The following GSDMC variants were observed in gnomAD, a reference collection of about 807,000 sequenced individuals.
The protein encoded by GSDMC is gasdermin C, also known as gasdermin-C.
A neutral mutation model predicts 58.0 loss-of-function variants in GSDMC; 59 were observed. That is an observed-to-expected ratio of 1.02 (90% CI 0.82 to 1.26). The LOEUF (loss-of-function observed/expected upper bound fraction) is 1.26. Among genes scored for constraint, GSDMC ranks in the 50% most tolerant of loss-of-function variants. The pLI, the probability that GSDMC is intolerant of heterozygous loss-of-function variation, is 0.00. For synonymous variants in GSDMC, 241 were observed against 220.2 expected (o/e 1.09, Z -0.83); for missense variants, 659 against 598.5 (o/e 1.10, Z -1.06).
In GSDMC at chr8:129,759,004, A is replaced by G. The variant is rs537786269; in HGVS notation, c.721+1541T>C. On this transcript the variant is annotated intron_variant, in intron 6 of 13. Transcript: ENST00000276708. ...GTAACCAAAACAACATGATACTGCC[A>G]TAAAAACAGACCCATAACCAAAGGA... Among the ~76,000 whole-genome samples the G allele has an allele frequency of 1.2e-4, 18 of 152,318 alleles. No homozygotes were observed. The South Asian group carries it at 2.3e-3, about 19-fold the overall frequency.
chr8:129,725,414 C>G, the GSDMC span, among the ~76,000 whole-genome samples: 1 of 152,138 alleles, frequency 6.6e-6, no homozygotes, highest in Non-Finnish European at 1.5e-5. Context: ...CTGCCACATG[C>G]TGTGAGGTAT....
intron 2 of GSDMC, 131 bp from the exon 3 acceptor site, chr8:129,776,416 A>G: frequency 1.6e-6 from 1 of 606,926 alleles, no homozygotes. Flanking sequence ...CCACTCACTT[A>G]AACTCTGTTG....
chr8:129,769,262 A>C (rs1488596276), intron 3 of GSDMC, among the ~76,000 whole-genome samples: 1 of 152,202 alleles, frequency 6.6e-6, no homozygotes, highest in Non-Finnish European at 1.5e-5. Context: ...TAAAGAGAAA[A>C]TATTGAGAGT....
intron 6 of GSDMC, among the ~76,000 whole-genome samples, chr8:129,760,302 C>A (rs2033608116): frequency 6.6e-6 from 1 of 151,990 alleles, no homozygotes; most frequent in Non-Finnish European, 1.5e-5. Context: ...CATTTGATAG[C>A]ACAACAGGGT....
At chr8:129,723,783 C>A in the GSDMC span, among the ~76,000 whole-genome samples, 1 of 152,130 alleles carries the variant, frequency 6.6e-6, no homozygotes, top group Admixed American at 6.5e-5. Context: ...GCACCCCTAC[C>A]TTGGTTAAAT....
chr8:129,782,195 C>T (rs994873949), intron 1 of GSDMC, among the ~76,000 whole-genome samples: 1 of 151,912 alleles, frequency 6.6e-6, no homozygotes, highest in African/African-American at 2.4e-5. Context: ...TACCAAAACC[C>T]ATGGGATACA....
chr8:129,744,025 C>A (rs1240841421), downstream of GSDMC, among the ~76,000 whole-genome samples: 3 of 151,738 alleles, frequency 2.0e-5, no homozygotes, highest in Non-Finnish European at 4.4e-5. Flanking sequence ...CTCAAGGTAC[C>A]CTATGTAAGT....
the GSDMC span, among the ~76,000 whole-genome samples, chr8:129,720,453 T>C: frequency 6.6e-6 from 1 of 152,332 alleles, no homozygotes; most frequent in East Asian, 1.9e-4. Context: ...TCCTGAGTAC[T>C]GTAATAAACA....
the GSDMC span, among the ~76,000 whole-genome samples, chr8:129,710,422 G>A: frequency 6.6e-6 from 1 of 152,194 alleles, no homozygotes; most frequent in African/African-American, 2.4e-5. Context: ...CTTGTGTTTG[G>A]TGTGTTCACA....
the GSDMC span, among the ~76,000 whole-genome samples, chr8:129,710,260 T>C: frequency 6.6e-6 from 1 of 152,194 alleles, no homozygotes; most frequent in Non-Finnish European, 1.5e-5. Flanking sequence ...AAAGAAATTT[T>C]GATGAATGAA....
In GSDMC at chr8:129,755,889, C is replaced by CA. The variant is rs900724015; in HGVS notation, c.722-3070dup. 6.9e-3 allele frequency among the ~76,000 whole-genome samples: 858 copies of CA among 124,590 alleles called. 3 individuals are homozygous for CA. The highest frequency in any genetic ancestry group is 0.031 in the East Asian group (138 of 4,390). The allele number at this position is 124,590 out of a possible 152,430, so 81.7% of individuals were successfully genotyped here. A position where few individuals can be genotyped will look rare whatever the true frequency, so the allele number is the denominator to read the frequency against. Reference sequence around the variant, plus strand: ...TACAATGGACACAGAAAACAAAAAGCAAAAAAAAAAACACCATCAGAGAAA... The same window carrying CA: ...TACAATGGACACAGAAAACAAAAAGCAAAAAAAAAAAACACCATCAGAGAAA... On this transcript the variant is annotated intron_variant, in intron 6 of 13. Transcript: ENST00000276708.
chr8:129,752,845 G>T, intron 6 of GSDMC, 25 bp from the exon 7 acceptor site: 2 of 1,613,938 alleles, frequency 1.2e-6, no homozygotes, highest in South Asian at 2.2e-5. Flanking sequence ...AGAGCAGAAT[G>T]ACTGGGTAAC....
chr8:129,730,543 G>A, the GSDMC span: 1 of 390,728 alleles, frequency 2.6e-6, no homozygotes, highest in Non-Finnish European at 4.2e-6. Flanking sequence ...AAAAACATGA[G>A]TTAACACAGT....
chr8:129,722,744 T>C, the GSDMC span, among the ~76,000 whole-genome samples: 45 of 152,334 alleles, frequency 3.0e-4, no homozygotes, highest in African/African-American at 1.1e-3. Context: ...TCTTTCTCAC[T>C]TCAACATATG....
intron 9 of GSDMC, 34 bp downstream of exon 9, chr8:129,751,828 T>TGCC: frequency 5.7e-6 from 9 of 1,576,970 alleles, no homozygotes; most frequent in Non-Finnish European, 7.9e-6. Flanking sequence ...CAGGATGGGA[T>TGCC]CCCCACCCCC....
the GSDMC span, among the ~76,000 whole-genome samples, chr8:129,711,483 T>G: frequency 6.6e-6 from 1 of 152,248 alleles, no homozygotes; most frequent in East Asian, 1.9e-4. Flanking sequence ...ACAGAGACCA[T>G]TTTTTCTTGA....
rs1430985529 is a variant in GSDMC at position 129,777,582 on chromosome 8, G to A, written c.6C>T (p.Pro2=). Residue 2 remains proline (P), a synonymous_variant, in exon 2 of 14, where the codon CCC becomes CCT. Coordinates refer to ENST00000276708, the MANE Select transcript of GSDMC (RefSeq NM_031415.3). M[P]SMLERISKNL... ...TTTTGCTAATGCGTTCCAACATGGAGGGCATGTTGCTAGGAGGAGATGAAA... is the reference window on the plus strand; with the variant it reads ...TTTTGCTAATGCGTTCCAACATGGAAGGCATGTTGCTAGGAGGAGATGAAA... 2.5e-6 allele frequency: 4 copies of A among 1,572,208 alleles called. No homozygotes were observed. The highest frequency in any genetic ancestry group is 2.2e-5 in the East Asian group (1 of 44,746).
In GSDMC at chr8:129,776,181, C is replaced by G. The variant is rs191844570; in HGVS notation, c.325G>C (p.Ala109Pro). Residue 109 changes from alanine (A) to proline (P), a missense_variant, in exon 3 of 14, where the codon GCC (alanine) becomes CCC (proline). Coordinates refer to ENST00000276708, the MANE Select transcript of GSDMC (RefSeq NM_031415.3). ...VGIEVSVSGE[A>P]SVDHGCSLEF... ...AGGGAGCATCCATGGTCCACAGAGG[C>G]CTCCCCTGACACACTCACTTCTATA... is the stretch of plus-strand genomic sequence containing the variant. The G allele has an allele frequency of 6.2e-7, 1 of 1,613,786 alleles. No individual in the cohort carries two copies. Among genetic ancestry groups the G allele is most frequent in the East Asian group, 2.2e-5 (1 of 44,882 alleles).
At chr8:129,747,304 G>A (rs569917729), downstream of GSDMC, among the ~76,000 whole-genome samples, 2 of 152,020 alleles carry the variant, frequency 1.3e-5, no homozygotes, top group Non-Finnish European at 2.9e-5. Context: ...ACAGCCATGA[G>A]GGATACGGTT....
Sources: allele counts gnomAD v4.1 joint callset (sites outside exome capture counted in the v4.1 genomes callset), GRCh38; gene constraint gnomAD v4.1.1; transcripts MANE v1.5; gene names NCBI Gene and HGNC (gene_info 2026-07-23, HGNC 2026-07-21).